The following FNIP1 variants were observed in gnomAD, a reference collection of about 807,000 sequenced individuals.
The protein encoded by FNIP1 is folliculin-interacting protein 1.
Under a neutral mutation model 124.5 loss-of-function variants are expected in FNIP1, and 40 were observed. That is an observed-to-expected ratio of 0.32 (90% confidence interval 0.25 to 0.42). The LOEUF is 0.42. Ranked by LOEUF, FNIP1 falls within the 10% of genes least tolerant of loss-of-function variation. The probability of loss-of-function intolerance (pLI) is 1.00; values close to 1 mark genes in which losing one functional copy is unlikely to be tolerated. For missense variants in FNIP1, 1,176 were observed against 1,403.7 expected, an observed-to-expected ratio of 0.84 and a Z score of 2.59; for synonymous variants, 472 against 470.6, an observed-to-expected ratio of 1.00 and a Z score of -0.04.
chr5:131,657,746 A>AAAC (rs1554091799), intron 15 of FNIP1, among the ~76,000 whole-genome samples: 7 of 150,664 alleles, frequency 4.6e-5, no homozygotes, highest in Admixed American at 1.3e-4. Context: ...CAAAAAAAAA[A>AAAC]AAAAAAAAAA....
chr5:131,671,873 A>G lies in FNIP1; in HGVS notation c.2571T>C (p.Ser857=). 6.2e-7 allele frequency: 1 copy of G among 1,614,128 alleles called. No individual in the cohort carries two copies. The change falls in exon 14 of 18, where the codon AGT becomes AGC. Residue 857 remains serine (S), a synonymous_variant. Transcript: ENST00000510461. ...RTIDDVPFKT[S]TDSKDHCCML... ...TACAGCAATGGTCTTTACTATCTGT[A>G]CTTGTTTTAAATGGAACATCATCAA...
chr5:131,679,144 G>A lies in FNIP1; in HGVS notation c.1234C>T (p.Arg412Ter). 3.1e-6 allele frequency: 5 copies of A among 1,595,668 alleles called. No homozygotes were observed. The highest frequency in any genetic ancestry group is 2.2e-5 in the East Asian group (1 of 44,698). ...TTICNLYTMP[R>*]IGEPVWLTMM... ...GTAAGCCAGACAGGTTCTCCAATTC[G>A]TGGCATCGTGTAAAGATTACAAATT... Residue 412 changes from arginine to a stop codon, truncating the protein, a stop_gained, in exon 12 of 18, where the codon CGA (arginine) becomes TGA (stop). Transcript: ENST00000510461. LOFTEE classifies it high-confidence loss of function.
chr5:131,705,170 G>C (rs931094198), intron 9 of FNIP1, among the ~76,000 whole-genome samples: 2 of 151,952 alleles, frequency 1.3e-5, no homozygotes, highest in Admixed American at 1.3e-4. Flanking sequence ...TAGCCAATAA[G>C]CACAAGAAAA....
intron 11 of FNIP1, among the ~76,000 whole-genome samples, chr5:131,690,180 G>A (rs565350032): frequency 3.2e-4 from 48 of 152,006 alleles, no homozygotes; most frequent in Non-Finnish European, 4.6e-4. Flanking sequence ...CCAAGATCAC[G>A]CCACTGCACT....
At chr5:131,706,081 G>C (rs933333308) in intron 9 of FNIP1, among the ~76,000 whole-genome samples, 1 of 152,128 alleles carries the variant, frequency 6.6e-6, no homozygotes, top group African/African-American at 2.4e-5. Flanking sequence ...GGTTACAAGA[G>C]GAAGAAAAGG....
chr5:131,642,550 G>T lies in FNIP1; in HGVS notation c.*2135C>A, dbSNP rs1766746567. 1 of 151,338 alleles carries T rather than the reference G, an allele frequency of 6.6e-6. No homozygotes were observed. Among genetic ancestry groups the T allele is most frequent in the Non-Finnish European group, 1.5e-5 (1 of 67,862 alleles). 9.4% of individuals were successfully genotyped at this position (151,338 alleles called of 1,614,324 possible). On this transcript the variant is annotated 3_prime_UTR_variant, in exon 18 of 18. Coordinates refer to ENST00000510461, the MANE Select transcript of FNIP1 (RefSeq NM_133372.3). ...GGAGACACCCAGACATTATCCAAGT[G>T]CTATACAGAGCTACAATAAAAAAAA...
intron 11 of FNIP1, among the ~76,000 whole-genome samples, chr5:131,690,069 A>T (rs1475117553): frequency 6.6e-6 from 1 of 151,966 alleles, no homozygotes; most frequent in Non-Finnish European, 1.5e-5. Flanking sequence ...AAATACAAAA[A>T]AAAATTAGCC....
intron 15 of FNIP1, among the ~76,000 whole-genome samples, chr5:131,655,016 T>C (rs1326727659): frequency 6.6e-6 from 1 of 152,238 alleles, no homozygotes; most frequent in Non-Finnish European, 1.5e-5. Flanking sequence ...GATATATACA[T>C]CTGTGATATT....
chr5:131,672,948 T>C (rs374446991), intron 13 of FNIP1, 24 bp from the exon 14 acceptor site: 9 of 1,486,452 alleles, frequency 6.1e-6, no homozygotes, highest in Non-Finnish European at 8.1e-6. Flanking sequence ...AATCAGTTAT[T>C]GGACATGTCC....
At position 131,664,656 on chromosome 5, in the gene FNIP1, G is replaced by C. The variant is rs1216107244; in HGVS notation, c.3108+5807C>G. ...TCTCAAAAAAAAAAAAAAAAAAAAA[G>C]AGCAATAGGAGAATGGTGAGAAACA... On this transcript the variant is annotated intron_variant, in intron 15 of 17. Transcript: ENST00000510461. Among the ~76,000 whole-genome samples the C allele has an allele frequency of 1.5e-4, 11 of 74,876 alleles. 1 individual carries two copies. The highest frequency in any genetic ancestry group is 1.1e-3 in the Admixed American group (9 of 8,334). The allele number at this position is 74,876 out of a possible 152,430, so 49.1% of individuals were successfully genotyped here.
intron 16 of FNIP1, among the ~76,000 whole-genome samples, chr5:131,648,958 G>T (rs1766968620): frequency 6.6e-6 from 1 of 152,282 alleles, no homozygotes; most frequent in East Asian, 1.9e-4. Flanking sequence ...TGCTTATGAG[G>T]TTCATCCATG....
chr5:131,787,452 C>G (rs1772254378), intron 1 of FNIP1, among the ~76,000 whole-genome samples: 2 of 152,328 alleles, frequency 1.3e-5, no homozygotes, highest in East Asian at 3.9e-4. Flanking sequence ...GGGCATGGAT[C>G]TGAACTCATC....
intron 3 of FNIP1, among the ~76,000 whole-genome samples, chr5:131,721,299 G>A (rs1468455845): frequency 6.6e-6 from 1 of 152,000 alleles, no homozygotes; most frequent in Non-Finnish European, 1.5e-5. Flanking sequence ...CAAATTTACA[G>A]AATCAAAGAG....
At chr5:131,678,553 A>T (rs1032246995) in intron 12 of FNIP1, among the ~76,000 whole-genome samples, 39 of 152,048 alleles carry the variant, frequency 2.6e-4, no homozygotes, top group Non-Finnish European at 5.3e-4. Flanking sequence ...GACTACAGGC[A>T]CCCGCCACCA....
Position 131,695,152 on chromosome 5 carries a change from T to G in FNIP1, c.1202+3765A>C, listed in dbSNP as rs111763983. Reference sequence around the variant, plus strand: ...ATAAATAAATAAATAAATAAATAAATAAAGCATTAACTGGGAAAACTGTAG... The same window carrying G: ...ATAAATAAATAAATAAATAAATAAAGAAAGCATTAACTGGGAAAACTGTAG... On this transcript the variant is annotated intron_variant, in intron 11 of 17. Transcript: ENST00000510461. Among the ~76,000 whole-genome samples the G allele has an allele frequency of 9.6e-4, 124 of 129,650 alleles. 1 individual carries two copies. Among genetic ancestry groups the G allele is most frequent in the Middle Eastern group, 3.9e-3 (1 of 254 alleles). 85.1% of individuals were successfully genotyped at this position (129,650 alleles called of 152,430 possible).
At chr5:131,744,471 C>T in intron 2 of FNIP1, 93 bp downstream of exon 2, 2 of 1,257,694 alleles carry the variant, frequency 1.6e-6, no homozygotes, top group Non-Finnish European at 1.1e-6. Context: ...CAGTCATTTC[C>T]TTCTCCCTCA....
At chr5:131,795,007 TC>T (rs1408364463) in intron 1 of FNIP1, among the ~76,000 whole-genome samples, 2 of 152,212 alleles carry the variant, frequency 1.3e-5, no homozygotes, top group African/African-American at 4.8e-5. Context: ...AAATTATAGC[TC>T]AATGAAATAG....
At chr5:131,715,357 G>A (rs927744768) in intron 6 of FNIP1, among the ~76,000 whole-genome samples, 8 of 152,052 alleles carry the variant, frequency 5.3e-5, no homozygotes, top group Non-Finnish European at 7.4e-5. Flanking sequence ...GTGATGGCGC[G>A]TGCCTGCAGT....
chr5:131,688,302 A>G (rs1041572196), intron 11 of FNIP1, among the ~76,000 whole-genome samples: 3 of 151,586 alleles, frequency 2.0e-5, no homozygotes, highest in African/African-American at 4.8e-5. Context: ...AAAAAAAAAA[A>G]AGGAAACTAT....
Sources: gnomAD v4.1 joint callset for allele counts (sites outside exome capture counted in the v4.1 genomes callset) on GRCh38, gnomAD v4.1.1 for gene constraint, MANE v1.5 for transcripts, NCBI Gene and HGNC (gene_info 2026-07-23, HGNC 2026-07-21) for gene names.